EYS: variants seen among roughly 807,000 people sequenced by gnomAD.
The protein encoded by EYS is protein eyes shut homolog.
In EYS, 250 loss-of-function variants were observed where a neutral mutation model predicts 282.1. That is an observed-to-expected ratio of 0.89 (90% CI 0.80 to 0.98). The LOEUF is 0.98. EYS is among the 50% of genes least tolerant of loss of function. The pLI is 0.00. For missense variants in EYS, 4,016 were observed against 3,709.0 expected, an observed-to-expected ratio of 1.08 and a Z score of -2.15; for synonymous variants, 1,355 against 1,282.9, an observed-to-expected ratio of 1.06 and a Z score of -1.20.
intron 34 of EYS, among the ~76,000 whole-genome samples, chr6:63,991,157 T>C (rs1378775274): frequency 2.0e-5 from 3 of 151,590 alleles, no homozygotes; most frequent in African/African-American, 7.3e-5. Flanking sequence ...ATCACTTTAA[T>C]TGGGAGTCTG....
chr6:64,451,281 C>A (rs149077079), intron 26 of EYS, among the ~76,000 whole-genome samples: 1,525 of 152,282 alleles, frequency 0.01, 22 homozygotes, highest in African/African-American at 0.034. Context: ...AATTCCATGA[C>A]ACACACACTC....
chr6:63,875,921 A>G (rs1772956372), intron 35 of EYS, among the ~76,000 whole-genome samples: 1 of 152,178 alleles, frequency 6.6e-6, no homozygotes, highest in Non-Finnish European at 1.5e-5. Flanking sequence ...TCAAAAAACC[A>G]GCTCCTGGAT....
intron 22 of EYS, among the ~76,000 whole-genome samples, chr6:64,731,661 A>G (rs1363161338): frequency 6.6e-6 from 1 of 152,320 alleles, no homozygotes; most frequent in East Asian, 1.9e-4. Context: ...TCAGGAAACA[A>G]CAGATGCTGG....
At chr6:64,317,039 C>A (rs911154169) in intron 29 of EYS, among the ~76,000 whole-genome samples, 1 of 152,266 alleles carries the variant, frequency 6.6e-6, no homozygotes, top group East Asian at 1.9e-4. Context: ...GGATCCCCTC[C>A]TTACACCTTA....
chr6:64,988,555 CCTT>C (rs1770944795), intron 14 of EYS, among the ~76,000 whole-genome samples: 1 of 151,500 alleles, frequency 6.6e-6, no homozygotes, highest in African/African-American at 2.4e-5. Context: ...CTCCTTCCCT[CCTT>C]CTCTCCCTCT....
intron 19 of EYS, among the ~76,000 whole-genome samples, chr6:64,831,853 T>C (rs576661086): frequency 2.2e-4 from 34 of 152,050 alleles, no homozygotes; most frequent in Non-Finnish European, 4.6e-4. Context: ...AAAAACAATA[T>C]TCTGATTCAT....
intron 28 of EYS, among the ~76,000 whole-genome samples, chr6:64,399,756 T>G (rs1284914294): frequency 6.6e-6 from 1 of 151,892 alleles, no homozygotes; most frequent in Admixed American, 6.6e-5. Flanking sequence ...TGGTACCTGA[T>G]GTATGGAGAG....
chr6:63,917,536 T>C (rs1171341373), intron 35 of EYS, among the ~76,000 whole-genome samples: 1 of 152,258 alleles, frequency 6.6e-6, no homozygotes, highest in African/African-American at 2.4e-5. Flanking sequence ...TTCTTACCTT[T>C]CTTTATGTAT....
intron 29 of EYS, among the ~76,000 whole-genome samples, chr6:64,363,804 A>G (rs1486810177): frequency 6.6e-6 from 1 of 151,934 alleles, no homozygotes; most frequent in African/African-American, 2.4e-5. Flanking sequence ...ATCACAGCAA[A>G]AATAAATGCG....
At chr6:63,827,501 A>G (rs904995819) in intron 36 of EYS, among the ~76,000 whole-genome samples, 11 of 152,210 alleles carry the variant, frequency 7.2e-5, no homozygotes, top group Non-Finnish European at 1.3e-4. Context: ...TTTCTCCAGG[A>G]AAGACCATAT....
intron 26 of EYS, among the ~76,000 whole-genome samples, chr6:64,510,016 A>G (rs1356327369): frequency 2.0e-5 from 3 of 152,182 alleles, no homozygotes; most frequent in African/African-American, 7.2e-5. Context: ...CATAATGCAT[A>G]TTCAAATCTA....
intron 34 of EYS, among the ~76,000 whole-genome samples, chr6:63,986,424 A>G (rs534126352): frequency 6.6e-6 from 1 of 151,948 alleles, no homozygotes; most frequent in East Asian, 1.9e-4. Flanking sequence ...ATTACTGGAT[A>G]TATACCCAAA....
chr6:64,197,999 ATTTATTTT>A (rs1424425675), intron 31 of EYS, among the ~76,000 whole-genome samples: 317 of 150,350 alleles, frequency 2.1e-3, no homozygotes, highest in African/African-American at 6.9e-3. Context: ...TTATTTATTT[ATTTATTTT>A]TTTGAGACGG....
intron 2 of EYS, among the ~76,000 whole-genome samples, chr6:65,518,871 A>G (rs1232100190): frequency 6.6e-6 from 1 of 152,156 alleles, no homozygotes; most frequent in Non-Finnish European, 1.5e-5. Context: ...TCATGAGAAC[A>G]GCATGAGAAA....
chr6:63,766,569 T>G (rs1380551804), intron 40 of EYS, among the ~76,000 whole-genome samples: 1 of 151,994 alleles, frequency 6.6e-6, no homozygotes. Flanking sequence ...CTTTGGTAAG[T>G]GTGTTAGTAT....
intron 13 of EYS, among the ~76,000 whole-genome samples, chr6:65,003,694 C>T (rs1216858223): frequency 6.8e-6 from 1 of 147,138 alleles, no homozygotes; most frequent in African/African-American, 2.4e-5. Context: ...TACTCTGTCC[C>T]TTTATTTCTC....
At chr6:64,793,774 C>T (rs1293796987) in intron 22 of EYS, among the ~76,000 whole-genome samples, 1 of 151,786 alleles carries the variant, frequency 6.6e-6, no homozygotes, top group Non-Finnish European at 1.5e-5. Context: ...TTACAAATGT[C>T]TTTATGAACA....
intron 13 of EYS, among the ~76,000 whole-genome samples, chr6:65,012,810 C>CAAAAAAAAAAAAAAAAAAAAAAAAAAAAA (rs3033918): frequency 8.5e-6 from 1 of 117,670 alleles, no homozygotes; most frequent in Non-Finnish European, 1.8e-5. Flanking sequence ...CCAAGTACAG[C>CAAAAAAAAAAAAAAAAAAAAAAAAAAAAA]AAAAAAAAAA....
chr6:65,266,091 T>G (rs72883281), intron 12 of EYS, among the ~76,000 whole-genome samples: 49 of 152,122 alleles, frequency 3.2e-4, no homozygotes, highest in Non-Finnish European at 6.0e-4. Context: ...TTGATTTTAC[T>G]ATATCCAAGT....
Sources: allele counts gnomAD v4.1 joint callset (sites outside exome capture counted in the v4.1 genomes callset), GRCh38; gene constraint gnomAD v4.1.1; transcripts MANE v1.5; gene names NCBI Gene and HGNC (gene_info 2026-07-23, HGNC 2026-07-21).